BUD23: variants seen among roughly 807,000 people sequenced by gnomAD.
BUD23 encodes the protein 18S rRNA (guanine-N(7))-methyltransferase.
BUD23 carries 34 observed loss-of-function variants against 47.0 expected under a neutral mutation model. The ratio of observed to expected loss-of-function variants is 0.72; its 90% CI spans 0.55 to 0.96. The LOEUF is 0.96. Ranked by LOEUF, BUD23 falls within the 40% of genes least tolerant of loss-of-function variation. The pLI, the probability that BUD23 is intolerant of heterozygous loss-of-function variation, is 0.00. For missense variants in BUD23, 343 were observed against 361.2 expected (o/e 0.95, Z 0.41); for synonymous variants, 124 against 132.0 (o/e 0.94, Z 0.41).
intron 6 of BUD23, 63 bp from the exon 7 acceptor site, chr7:73,692,533 G>C: frequency 6.7e-7 from 1 of 1,486,028 alleles, no homozygotes; most frequent in Non-Finnish European, 9.3e-7. Flanking sequence ...AGGAAGAGAG[G>C]GGTGTCCAGG....
chr7:73,683,696 A>G, intron 1 of BUD23, 23 bp downstream of exon 1: 2 of 1,613,568 alleles, frequency 1.2e-6, no homozygotes, highest in African/African-American at 1.3e-5. Flanking sequence ...GCCCGCGGAC[A>G]CCCCTCTCCC....
intron 10 of BUD23, chr7:73,694,382 CTCCCTTCCTTCCT>C (rs2116701880): frequency 3.7e-6 from 1 of 270,174 alleles, no homozygotes; most frequent in South Asian, 7.5e-5. Context: ...TGCTGTGGCT[CTCCCTTCCTTCCT>C]GCATCCTCAT....
rs543309001 is a variant in BUD23, at chr7:73,683,597, A to G, written c.-29A>G. 1.3e-6 allele frequency: 2 copies of G among 1,592,622 alleles called. No homozygotes were observed. Among genetic ancestry groups the G allele is most frequent in the African/African-American group, 1.3e-5 (1 of 74,426 alleles). ...TAAAAACCGGGTGCCGGCAGGCGCC[A>G]GTCGCAGGTGTGCTGCTGAGGCGTG... is the stretch of plus-strand genomic sequence containing the variant. On this transcript the variant is annotated 5_prime_UTR_variant, in exon 1 of 12. Transcript: ENST00000265758.
chr7:73,691,138 A>G, intron 6 of BUD23, 126 bp downstream of exon 6: 1 of 778,408 alleles, frequency 1.3e-6, no homozygotes, highest in East Asian at 2.5e-5. Flanking sequence ...ATGGGGTGGC[A>G]GGACCTTACT....
chr7:73,697,348 G>A, intron 10 of BUD23: 1 of 1,236,144 alleles, frequency 8.1e-7, no homozygotes, highest in Non-Finnish European at 1.1e-6. Context: ...CTGCTCGCTG[G>A]TGTTTAGGTC....
chr7:73,696,353 C>G (rs1312752007), intron 10 of BUD23: 1 of 152,242 alleles, frequency 6.6e-6, no homozygotes, highest in Non-Finnish European at 1.5e-5. Flanking sequence ...GGAGCACTCC[C>G]ATCTCCTCCC....
intron 2 of BUD23, 122 bp downstream of exon 2, chr7:73,683,926 G>C (rs1797835032): frequency 6.3e-7 from 1 of 1,589,482 alleles, no homozygotes; most frequent in Non-Finnish European, 8.5e-7. Flanking sequence ...GGACCCGGGT[G>C]GGTGCCGATT....
intron 5 of BUD23, among the ~76,000 whole-genome samples, chr7:73,687,900 GT>G (rs1177909328): frequency 6.1e-4 from 87 of 142,404 alleles, no homozygotes; most frequent in Middle Eastern, 3.6e-3. Context: ...CGTGGTTGTT[GT>G]TTTTTTTTTT....
intron 6 of BUD23, 36 bp from the exon 7 acceptor site, chr7:73,692,560 T>C: frequency 6.2e-7 from 1 of 1,608,128 alleles, no homozygotes. Context: ...GCTCATGCAG[T>C]CATTTGTAAG....
chr7:73,687,401 C>G (rs533055485), intron 5 of BUD23, among the ~76,000 whole-genome samples: 1 of 152,270 alleles, frequency 6.6e-6, no homozygotes, highest in African/African-American at 2.4e-5. Flanking sequence ...CTCAGCCTCC[C>G]AAGTAGCTGA....
rs1418336913 is a variant in BUD23, at chr7:73,690,998, C to CT, written c.451dup (p.Ser151PhefsTer16). 2 of 1,614,000 alleles carry CT rather than the reference C, an allele frequency of 1.2e-6. No homozygotes were observed. Among genetic ancestry groups the CT allele is most frequent in the East Asian group, 2.2e-5 (1 of 44,894 alleles). On this transcript the variant is annotated frameshift_variant, in exon 6 of 12. Coordinates refer to ENST00000265758, the MANE Select transcript of BUD23 (RefSeq NM_017528.5). LOFTEE classifies it high-confidence loss of function. ...GCGCCTGTACTGCTTTTTTGCTTCT[C>CT]TTTTTTCTGTTCTCGTGAGTATAAG... is the stretch of plus-strand genomic sequence containing the variant.
At position 73,690,914 on chromosome 7, in the gene BUD23, A is replaced by G; in HGVS notation, c.363-2A>G. ...TGCCTGACTAGGTCCCTTCCTTTTT[A>G]GCATTTCTGCTGTGCAGTGGCTCTG... On this transcript the variant is annotated splice_acceptor_variant, in intron 5 of 11. Transcript: ENST00000265758. LOFTEE classifies it high-confidence loss of function. The G allele has an allele frequency of 6.2e-7, 1 of 1,613,966 alleles. No individual in the cohort carries two copies. The highest frequency in any genetic ancestry group is 8.5e-7 in the Non-Finnish European group (1 of 1,179,896).
At chr7:73,691,082 G>C (rs1798177775) in intron 6 of BUD23, 70 bp downstream of exon 6, 2 of 1,372,418 alleles carry the variant, frequency 1.5e-6, no homozygotes. Context: ...GTAGAGTGAG[G>C]AAATTGAGGT....
chr7:73,697,792 T>G, intron 11 of BUD23, 40 bp from the exon 12 acceptor site: 1 of 1,611,890 alleles, frequency 6.2e-7, no homozygotes, highest in Non-Finnish European at 8.5e-7. Context: ...GCTGCTTTGA[T>G]CTTTTTTTTC....
Position 73,686,819 on chromosome 7 carries a change from T to C in BUD23, c.184T>C (p.Cys62Arg). 6.2e-7 allele frequency: 1 copy of C among 1,614,188 alleles called. No homozygotes were observed. Among genetic ancestry groups the C allele is most frequent in the Non-Finnish European group, 8.5e-7 (1 of 1,180,016 alleles). ...NKPCYLLDIG[C>R]GTGLSGSYLS... ...TGAGTGTCTGGTCATGTCTTCCAGC[T>C]GTGGCACTGGGCTGAGTGGAAGTTA... Residue 62 changes from cysteine (C) to arginine (R), a missense_variant and splice_region_variant, in exon 4 of 12, where the codon TGT becomes CGT. Cys to Arg is a radical substitution (Grantham distance 180). Transcript: ENST00000265758.
intron 7 of BUD23, 190 bp downstream of exon 7, chr7:73,692,836 G>A (rs1554614270): frequency 1.7e-6 from 1 of 580,468 alleles, no homozygotes; most frequent in Non-Finnish European, 3.0e-6. Context: ...GGTGGGGTGG[G>A]ATGCCTTCTC....
In BUD23 at chr7:73,690,968, G is replaced by A. The variant is rs1032323885; in HGVS notation, c.415G>A (p.Ala139Thr). Residue 139 changes from alanine to threonine, a missense_variant, in exon 6 of 12, where the codon GCC becomes ACC. Coordinates refer to ENST00000265758, the MANE Select transcript of BUD23 (RefSeq NM_017528.5). ...TGCTAACAAGAAGTCTGAAAACCCT[G>A]CCAAGCGCCTGTACTGCTTTTTTGC... Reference protein sequence around the residue: ...CNANKKSENPAKRLYCFFASL... With the variant: ...CNANKKSENPTKRLYCFFASL... The A allele has an allele frequency of 6.2e-7, 1 of 1,614,184 alleles. No homozygotes were observed. Among genetic ancestry groups the A allele is most frequent in the East Asian group, 2.2e-5 (1 of 44,880 alleles).
intron 2 of BUD23, chr7:73,684,092 G>A (rs1797842087): frequency 2.8e-5 from 29 of 1,030,028 alleles, no homozygotes; most frequent in Non-Finnish European, 3.8e-5. Flanking sequence ...GCGCTGGGCG[G>A]TGGGTACGGG....
intron 3 of BUD23, 23 bp from the exon 4 acceptor site, chr7:73,686,795 G>T: frequency 1.2e-6 from 2 of 1,614,114 alleles, no homozygotes; most frequent in South Asian, 2.2e-5. Context: ...AACTGACCCT[G>T]AGTGTCTGGT....
Sources: gnomAD v4.1 joint callset for allele counts (sites outside exome capture counted in the v4.1 genomes callset) on GRCh38, gnomAD v4.1.1 for gene constraint, MANE v1.5 for transcripts, NCBI Gene and HGNC (gene_info 2026-07-23, HGNC 2026-07-21) for gene names.